Variants in GNB1 observed in about 807,000 individuals in gnomAD.
GNB1 encodes guanine nucleotide-binding protein G(I)/G(S)/G(T) subunit beta-1.
In GNB1, 2 loss-of-function variants were observed where a neutral mutation model predicts 42.9. The ratio of observed to expected loss-of-function variants is 0.05; its 90% CI spans 0.02 to 0.15. The LOEUF (loss-of-function observed/expected upper bound fraction) is 0.15. Among genes scored for constraint, GNB1 ranks in the 10% least tolerant of loss-of-function variants. The probability of loss-of-function intolerance (pLI) is 1.00; values close to 1 mark genes in which losing one functional copy is unlikely to be tolerated. For missense variants in GNB1, 193 were observed against 462.2 expected (o/e 0.42, Z 5.34); for synonymous variants, 183 against 174.7 (o/e 1.05, Z -0.38).
At chr1:1,879,709 A>G (rs557389202) in intron 1 of GNB1, among the ~76,000 whole-genome samples, 23 of 138,570 alleles carry the variant, frequency 1.7e-4, no homozygotes, top group South Asian at 9.3e-4. Flanking sequence ...TGTCTCAGGG[A>G]AAAAAAAAAA....
chr1:1,851,907 G>C (rs1206410197), intron 1 of GNB1, among the ~76,000 whole-genome samples: 1 of 151,894 alleles, frequency 6.6e-6, no homozygotes, highest in Non-Finnish European at 1.5e-5. Flanking sequence ...GCCGGGCATG[G>C]TAGCGCATGC....
intron 2 of GNB1, among the ~76,000 whole-genome samples, chr1:1,836,553 G>A (rs1212394572): frequency 6.6e-6 from 1 of 151,624 alleles, no homozygotes; most frequent in Non-Finnish European, 1.5e-5. Context: ...CACGATGCCT[G>A]GCTAAATTTT....
chr1:1,790,439 G>A lies in GNB1; in HGVS notation c.655C>T (p.Arg219Trp). The change falls in exon 9 of 12, where the codon CGG becomes TGG. Residue 219 changes from arginine to tryptophan, a missense_variant. Around this residue, in one of 2 missense-constraint regions of GNB1, gnomAD observed 150 missense variants for 410.8 expected, o/e 0.37. Coordinates refer to ENST00000378609, the MANE Select transcript of GNB1 (RefSeq NM_002074.5). The surrounding 1 kb of genome is among the most constrained non-coding windows in gnomAD (Gnocchi z 5.4). ...GACTCGTGGCCAGTGAAGGTCTGCC[G>A]GCACATGCCTTCTCGCACATCCCAG... Reference protein sequence around the residue: ...KLWDVREGMCRQTFTGHESDI... With the variant: ...KLWDVREGMCWQTFTGHESDI... The A allele has an allele frequency of 6.2e-7, 1 of 1,614,012 alleles. No individual in the cohort carries two copies. Among genetic ancestry groups the A allele is most frequent in the Non-Finnish European group, 8.5e-7 (1 of 1,179,934 alleles).
chr1:1,875,179 C>T (rs1216043808), intron 1 of GNB1, among the ~76,000 whole-genome samples: 6 of 151,744 alleles, frequency 4.0e-5, no homozygotes, highest in African/African-American at 1.2e-4. Flanking sequence ...GCTTAGAAGA[C>T]ATTTTATCTT....
intron 1 of GNB1, among the ~76,000 whole-genome samples, chr1:1,874,605 T>TTAA (rs1462394173): frequency 2.1e-5 from 1 of 46,998 alleles, no homozygotes; most frequent in Non-Finnish European, 3.6e-5. Flanking sequence ...AGACTCCATC[T>TTAA]AAAAAAAAAA....
intron 1 of GNB1, among the ~76,000 whole-genome samples, chr1:1,879,086 C>CT (rs927290196): frequency 2.0e-5 from 3 of 152,218 alleles, no homozygotes; most frequent in Non-Finnish European, 4.4e-5. Flanking sequence ...TGACAAATCT[C>CT]TGAGTTCTCC....
At chr1:1,873,395 T>C (rs970050718) in intron 1 of GNB1, among the ~76,000 whole-genome samples, 9 of 152,336 alleles carry the variant, frequency 5.9e-5, no homozygotes, top group East Asian at 1.9e-4. Flanking sequence ...TGAAAGCCCA[T>C]GTGGGTGAGG....
intron 1 of GNB1, among the ~76,000 whole-genome samples, chr1:1,878,494 T>C (rs1438387486): frequency 1.3e-5 from 2 of 152,168 alleles, no homozygotes; most frequent in Admixed American, 1.3e-4. Context: ...CTGGTTTGTC[T>C]TCTCACCTCC....
chr1:1,796,021 G>A (rs1377440558), intron 7 of GNB1, among the ~76,000 whole-genome samples: 1 of 152,214 alleles, frequency 6.6e-6, no homozygotes, highest in Non-Finnish European at 1.5e-5. Context: ...TGGTTTGAAA[G>A]ACACACGCAT....
intron 1 of GNB1, among the ~76,000 whole-genome samples, chr1:1,870,004 A>G (rs1345034344): frequency 2.0e-5 from 3 of 152,104 alleles, no homozygotes; most frequent in Non-Finnish European, 4.4e-5. Context: ...CTGGGATTAT[A>G]GGCACCCGCC....
At chr1:1,800,880 T>C (rs1267785451) in intron 7 of GNB1, among the ~76,000 whole-genome samples, 1 of 152,218 alleles carries the variant, frequency 6.6e-6, no homozygotes, top group African/African-American at 2.4e-5. Flanking sequence ...CACTAAGTGC[T>C]TTGCTAGCAG....
At chr1:1,813,692 T>C (rs1252878731) in intron 5 of GNB1, among the ~76,000 whole-genome samples, 3 of 152,138 alleles carry the variant, frequency 2.0e-5, no homozygotes, top group African/African-American at 7.2e-5. Context: ...GGTCTCGCCA[T>C]GTGACCTAGG....
intron 6 of GNB1, 21 bp from the exon 7 acceptor site, chr1:1,804,602 G>T (rs376445565): frequency 6.5e-7 from 1 of 1,533,588 alleles, no homozygotes; most frequent in Non-Finnish European, 8.8e-7. Flanking sequence ...AAAGACAGAT[G>T]ATGCAAACAA....
intron 3 of GNB1, chr1:1,824,960 T>G (rs931899777): frequency 1.3e-5 from 2 of 157,294 alleles, no homozygotes; most frequent in African/African-American, 4.8e-5. Context: ...GGAAGATCTT[T>G]CAAAATTAGG....
intron 5 of GNB1, among the ~76,000 whole-genome samples, chr1:1,812,472 A>T (rs1322882588): frequency 2.0e-5 from 3 of 151,994 alleles, no homozygotes; most frequent in Non-Finnish European, 4.4e-5. Context: ...AGAGGCAAAC[A>T]CTGGCCTATC....
intron 7 of GNB1, among the ~76,000 whole-genome samples, chr1:1,796,127 C>T (rs1423599774): frequency 6.6e-6 from 1 of 152,132 alleles, no homozygotes; most frequent in Non-Finnish European, 1.5e-5. Flanking sequence ...TCAACTTTTT[C>T]TTATAAGATA....
At chr1:1,809,120 T>G (rs959885312) in intron 5 of GNB1, among the ~76,000 whole-genome samples, 7 of 152,050 alleles carry the variant, frequency 4.6e-5, no homozygotes, top group Admixed American at 3.9e-4. Flanking sequence ...TCACCTGCAC[T>G]TTATTACAAA....
chr1:1,827,190 C>T (rs568738545), intron 2 of GNB1, among the ~76,000 whole-genome samples: 2 of 152,304 alleles, frequency 1.3e-5, no homozygotes, highest in African/African-American at 2.4e-5. Flanking sequence ...CCAGTCTGAA[C>T]TTTCCTAGTG....
rs35226472 is a variant in GNB1 at position 1,876,492 on chromosome 1, C to CGAGAGAGAGAGA, written c.-96+14316_-96+14327dup. ...AAGAGAGAGGACATGCATGTGCACA[C>CGAGAGAGAGAGA]GAGAGAGAGAGAGAGAGAGAGAGCG... On this transcript the variant is annotated intron_variant, in intron 1 of 11. Coordinates refer to ENST00000378609, the MANE Select transcript of GNB1 (RefSeq NM_002074.5). Among the ~76,000 whole-genome samples the CGAGAGAGAGAGA allele has an allele frequency of 9.8e-3, 1,448 of 147,898 alleles. 11 individuals are homozygous for CGAGAGAGAGAGA. Among genetic ancestry groups the CGAGAGAGAGAGA allele is most frequent in the Middle Eastern group, 0.021 (6 of 290 alleles).
Sources: gnomAD v4.1 joint callset for allele counts (sites outside exome capture counted in the v4.1 genomes callset) on GRCh38, gnomAD v4.1.1 for gene constraint, gnomAD v4.1.1 regional missense constraint, Gnocchi (gnomAD v3.1) non-coding constraint, MANE v1.5 for transcripts, NCBI Gene and HGNC (gene_info 2026-07-23, HGNC 2026-07-21) for gene names.